The following SLC9C2 variants were observed in gnomAD, a reference collection of about 807,000 sequenced individuals.
SLC9C2 encodes the protein sodium/hydrogen exchanger 11.
In SLC9C2, 75 loss-of-function variants were observed where a neutral mutation model predicts 140.2. That is an observed-to-expected ratio of 0.53 (90% CI 0.44 to 0.65). The LOEUF is 0.65. Ranked by LOEUF, SLC9C2 falls within the 30% of genes least tolerant of loss-of-function variation. SLC9C2 has a pLI of 0.00. For missense variants in SLC9C2, 1,074 were observed against 1,331.8 expected, an observed-to-expected ratio of 0.81 and a Z score of 3.01; for synonymous variants, 375 against 420.9, an observed-to-expected ratio of 0.89 and a Z score of 1.34.
chr1:173,533,674 C>T lies in SLC9C2; in HGVS notation c.2098G>A (p.Ala700Thr), dbSNP rs897760049. The T allele has an allele frequency of 1.2e-6, 2 of 1,611,692 alleles. No homozygotes were observed. Among genetic ancestry groups the T allele is most frequent in the Non-Finnish European group, 1.7e-6 (2 of 1,178,272 alleles). The change falls in exon 17 of 28, where the codon GCT becomes ACT. Residue 700 changes from alanine to threonine, a missense_variant. Physicochemically the swap from Ala to Thr is moderately conservative, Grantham distance 58 (BLOSUM62 0). Transcript: ENST00000367714. ...YFVKLRPDNL[A>T]LIQLTVIMGY... Reference sequence around the variant, plus strand: ...ATTATTACTGTAAGCTGTATAAGAGCCAAGTTGTCTGGTCTCAATTTCACA... The same window carrying T: ...ATTATTACTGTAAGCTGTATAAGAGTCAAGTTGTCTGGTCTCAATTTCACA...
chr1:173,573,600 G>T (rs2102181999), intron 8 of SLC9C2, among the ~76,000 whole-genome samples: 1 of 152,280 alleles, frequency 6.6e-6, no homozygotes, highest in East Asian at 1.9e-4. Flanking sequence ...TCCCCCAGCT[G>T]ATGATTTATC....
chr1:173,562,865 C>G (rs932971389), intron 9 of SLC9C2, among the ~76,000 whole-genome samples: 1 of 152,104 alleles, frequency 6.6e-6, no homozygotes, highest in African/African-American at 2.4e-5. Context: ...GAGCTGATCC[C>G]TTCCCCCAGG....
rs1217127858 is a variant in SLC9C2 at position 173,537,049 on chromosome 1, C to A, written c.1558-10G>T. ...GTTTTTCAAAGCTACTCTAAACATACATTAAATGAAGATTACAAAAGATCA... is the reference window on the plus strand; with the variant it reads ...GTTTTTCAAAGCTACTCTAAACATAAATTAAATGAAGATTACAAAAGATCA... On this transcript the variant is annotated splice_polypyrimidine_tract_variant and intron_variant, in intron 13 of 27. Coordinates refer to ENST00000367714, the MANE Select transcript of SLC9C2 (RefSeq NM_178527.4). 6.3e-7 allele frequency: 1 copy of A among 1,598,364 alleles called. No homozygotes were observed.
chr1:173,505,441 G>T, intron 25 of SLC9C2, 110 bp from the exon 26 acceptor site: 1 of 773,400 alleles, frequency 1.3e-6, no homozygotes, highest in Admixed American at 2.6e-5. Context: ...CTAAAGCTGG[G>T]TCTTCAATCT....
intron 20 of SLC9C2, 91 bp from the exon 21 acceptor site, chr1:173,524,185 G>C (rs41264572): frequency 1.8e-5 from 21 of 1,193,812 alleles, no homozygotes; most frequent in Admixed American, 8.6e-5. Flanking sequence ...ATAAACTACT[G>C]TTAGGCAAGT....
intron 11 of SLC9C2, among the ~76,000 whole-genome samples, chr1:173,552,984 A>G (rs1663422451): frequency 6.6e-6 from 1 of 152,258 alleles, no homozygotes; most frequent in Non-Finnish European, 1.5e-5. Context: ...AAGAGCATTC[A>G]TAATTCATAG....
intron 9 of SLC9C2, among the ~76,000 whole-genome samples, chr1:173,571,340 T>A (rs1452722367): frequency 6.6e-6 from 1 of 151,664 alleles, no homozygotes; most frequent in African/African-American, 2.4e-5. Context: ...TGCTCTCCCC[T>A]CTCTCTGTTT....
chr1:173,599,337 C>T (rs1666630987), intron 3 of SLC9C2, among the ~76,000 whole-genome samples: 1 of 137,226 alleles, frequency 7.3e-6, no homozygotes, highest in Non-Finnish European at 1.5e-5. Context: ...ATGATGAACC[C>T]AAGAGCGCAA....
intron 26 of SLC9C2, 79 bp from the exon 27 acceptor site, chr1:173,503,405 A>G: frequency 7.7e-7 from 1 of 1,297,390 alleles, no homozygotes; most frequent in Admixed American, 1.9e-5. Context: ...ATTTTGAAAT[A>G]TCTATTTGCT....
At chr1:173,537,274 A>C (rs911372163) in intron 13 of SLC9C2, among the ~76,000 whole-genome samples, 1 of 152,156 alleles carries the variant, frequency 6.6e-6, no homozygotes, top group Non-Finnish European at 1.5e-5. Context: ...AGCTTTCTAG[A>C]AAATCAAAAT....
chr1:173,537,833 A>G (rs1662090030), intron 13 of SLC9C2, among the ~76,000 whole-genome samples: 1 of 152,158 alleles, frequency 6.6e-6, no homozygotes, highest in Non-Finnish European at 1.5e-5. Flanking sequence ...CTAAAATAGC[A>G]GAAAAATTAT....
At position 173,583,140 on chromosome 1, in the gene SLC9C2, A is replaced by C. The variant is rs549569384; in HGVS notation, c.640+366T>G. Among the ~76,000 whole-genome samples the C allele has an allele frequency of 2.6e-5, 4 of 152,336 alleles. No homozygotes were observed. The East Asian group carries it at 7.7e-4, about 29-fold the overall frequency. On this transcript the variant is annotated intron_variant, in intron 6 of 27. Coordinates refer to ENST00000367714, the MANE Select transcript of SLC9C2 (RefSeq NM_178527.4). The stretch of plus-strand genomic sequence containing the variant: ...ATTCTCAAAACCTTGGATATAAAAT[A>C]GCATATTATTTGCATATAACCTACA...
At chr1:173,512,181 C>A (rs1283733823) in intron 23 of SLC9C2, among the ~76,000 whole-genome samples, 5 of 152,124 alleles carry the variant, frequency 3.3e-5, no homozygotes, top group Non-Finnish European at 7.3e-5. Context: ...TTTTCTAATT[C>A]TGTGAAGAAT....
intron 17 of SLC9C2, among the ~76,000 whole-genome samples, chr1:173,531,068 GT>G (rs200344519): frequency 1.3e-5 from 2 of 151,942 alleles, no homozygotes; most frequent in Admixed American, 6.6e-5. Context: ...ATGCAGATTT[GT>G]TTTTTTTGAA....
intron 23 of SLC9C2, among the ~76,000 whole-genome samples, chr1:173,511,176 A>G (rs1466744822): frequency 6.6e-6 from 1 of 151,084 alleles, no homozygotes; most frequent in African/African-American, 2.4e-5. Flanking sequence ...TGGGACTATA[A>G]GTGCGCCACC....
At chr1:173,542,023 A>G (rs1467220297) in intron 13 of SLC9C2, among the ~76,000 whole-genome samples, 3 of 152,194 alleles carry the variant, frequency 2.0e-5, no homozygotes, top group African/African-American at 7.2e-5. Context: ...GCAGAACTGA[A>G]GGAAATAGAG....
intron 11 of SLC9C2, among the ~76,000 whole-genome samples, chr1:173,550,254 A>T (rs899576912): frequency 6.6e-6 from 1 of 151,972 alleles, no homozygotes; most frequent in Non-Finnish European, 1.5e-5. Flanking sequence ...AAGAAAAAAA[A>T]TGAGCTGGGT....
At chr1:173,526,569 G>T in intron 19 of SLC9C2, 94 bp downstream of exon 19, 1 of 1,137,448 alleles carries the variant, frequency 8.8e-7, no homozygotes, top group South Asian at 1.4e-5. Flanking sequence ...ATAAATGAAT[G>T]AGCAAGTAAA....
At chr1:173,599,613 T>G (rs1188083691) in intron 3 of SLC9C2, among the ~76,000 whole-genome samples, 6 of 151,378 alleles carry the variant, frequency 4.0e-5, no homozygotes, top group Admixed American at 3.9e-4. Context: ...CTTTCTTTCC[T>G]TCTTTTTTTT....
Sources: allele counts gnomAD v4.1 joint callset (sites outside exome capture counted in the v4.1 genomes callset), GRCh38; gene constraint gnomAD v4.1.1; transcripts MANE v1.5; gene names NCBI Gene and HGNC (gene_info 2026-07-23, HGNC 2026-07-21).